Variants in SLC25A40 observed in about 807,000 individuals in gnomAD.
SLC25A40 encodes the protein solute carrier family 25 member 40.
In SLC25A40, 41 loss-of-function variants were observed where a neutral mutation model predicts 46.5. That is an observed-to-expected ratio of 0.88 (90% CI 0.69 to 1.14). The LOEUF (loss-of-function observed/expected upper bound fraction) is 1.14, where lower values mean the gene tolerates loss of function less well. Ranked by LOEUF, SLC25A40 falls within the 50% of genes most tolerant of loss-of-function variation. SLC25A40 has a pLI of 0.00. For synonymous variants in SLC25A40, 126 were observed against 127.5 expected, an observed-to-expected ratio of 0.99 and a Z score of 0.08; for missense variants, 386 against 393.6, an observed-to-expected ratio of 0.98 and a Z score of 0.16.
intron 1 of SLC25A40, among the ~76,000 whole-genome samples, chr7:87,864,979 T>C (rs1425025878): frequency 1.3e-4 from 19 of 143,046 alleles, no homozygotes; most frequent in Non-Finnish European, 2.4e-4. Flanking sequence ...TCTTTTCTTT[T>C]CTTTTTTTTT....
chr7:87,854,830 A>C lies in SLC25A40; in HGVS notation c.158-520T>G, dbSNP rs557974469. 9.3e-4 allele frequency among the ~76,000 whole-genome samples: 140 copies of C among 150,648 alleles called. 1 individual carries two copies. Among genetic ancestry groups the C allele is most frequent in the African/African-American group, 3.3e-3 (136 of 41,100 alleles). ...GTCTCAAAAAAAAAAAAAAAAAAAAAAGTAACTGTAAATTAGTGGATTTAT... is the reference window on the plus strand; with the variant it reads ...GTCTCAAAAAAAAAAAAAAAAAAAACAGTAACTGTAAATTAGTGGATTTAT... On this transcript the variant is annotated intron_variant, in intron 4 of 11. Transcript: ENST00000341119.
At chr7:87,861,335 T>C (rs1180539163) in intron 1 of SLC25A40, among the ~76,000 whole-genome samples, 2 of 152,228 alleles carry the variant, frequency 1.3e-5, no homozygotes, top group Non-Finnish European at 2.9e-5. Flanking sequence ...TATGTGACCA[T>C]GGTCTGGTAT....
At chr7:87,851,119 T>G (rs1053830359) in intron 5 of SLC25A40, among the ~76,000 whole-genome samples, 1 of 152,156 alleles carries the variant, frequency 6.6e-6, no homozygotes, top group East Asian at 1.9e-4. Context: ...TTAAAACACA[T>G]GTTCACACAG....
At chr7:87,853,353 T>C (rs914518093) in intron 5 of SLC25A40, among the ~76,000 whole-genome samples, 3 of 152,094 alleles carry the variant, frequency 2.0e-5, no homozygotes, top group African/African-American at 4.8e-5. Flanking sequence ...TGTGGAGAAA[T>C]TGGATCAGTC....
rs932359006 is a variant in SLC25A40, at chr7:87,847,065, T to A, written c.515A>T (p.Lys172Met). 6.2e-7 allele frequency: 1 copy of A among 1,613,762 alleles called. No individual in the cohort carries two copies. Among genetic ancestry groups the A allele is most frequent in the Non-Finnish European group, 8.5e-7 (1 of 1,179,840 alleles). Reference sequence around the variant, plus strand: ...ATGCAGTTCCACGTAAGAAAACTTCTTGGACTGCATCTTGGTTCTAATCAA... The same window carrying A: ...ATGCAGTTCCACGTAAGAAAACTTCATGGACTGCATCTTGGTTCTAATCAA... ...LELIRTKMQS[K>M]KFSYVELHRF... The change falls in exon 8 of 12, where the codon AAG (lysine) becomes ATG (methionine). Residue 172 changes from lysine (K) to methionine (M), a missense_variant. Transcript: ENST00000341119.
rs1031274564 is a variant in SLC25A40, at chr7:87,833,878, A to G, written c.*2371T>C. 2 of 151,820 alleles carry G rather than the reference A, an allele frequency of 1.3e-5. No homozygotes were observed. Among genetic ancestry groups the G allele is most frequent in the African/African-American group, 4.8e-5 (2 of 41,388 alleles). The allele number at this position is 151,820 out of a possible 1,614,324, so 9.4% of individuals were successfully genotyped here. A position where few individuals can be genotyped will look rare whatever the true frequency, so the allele number is the denominator to read the frequency against. On this transcript the variant is annotated 3_prime_UTR_variant, in exon 12 of 12. Transcript: ENST00000341119. ...ATGTTGTTCCAAGAGGGAAAAATTT[A>G]AAAAACATATGCAGTTAAATAACCA...
chr7:87,850,016 G>C, intron 5 of SLC25A40, 68 bp from the exon 6 acceptor site: 6 of 955,466 alleles, frequency 6.3e-6, no homozygotes, highest in Non-Finnish European at 7.7e-6. Flanking sequence ...AATTTATACT[G>C]ATGATTGGTA....
In SLC25A40 at chr7:87,850,566, G is replaced by A. The variant is rs139054901; in HGVS notation, c.265-618C>T. Among the ~76,000 whole-genome samples the A allele has an allele frequency of 7.0e-3, 1,058 of 152,170 alleles. 14 individuals carry two copies. Among genetic ancestry groups the A allele is most frequent in the Non-Finnish European group, 0.012 (805 of 67,984 alleles). ...GGAGACCCCTTGAGCCCAGGAGTTC[G>A]ACATCAGCCTGGGCAATATAGTTAG... On this transcript the variant is annotated intron_variant, in intron 5 of 11. Coordinates refer to ENST00000341119, the MANE Select transcript of SLC25A40 (RefSeq NM_018843.4).
At chr7:87,875,806 G>A (rs765309305) in intron 1 of SLC25A40, among the ~76,000 whole-genome samples, 1 of 152,196 alleles carries the variant, frequency 6.6e-6, no homozygotes, top group Non-Finnish European at 1.5e-5. Context: ...TGGCGCTGCC[G>A]TCAAGGCCGG....
intron 6 of SLC25A40, 141 bp from the exon 7 acceptor site, chr7:87,848,118 G>T: frequency 1.1e-6 from 1 of 932,330 alleles, no homozygotes; most frequent in Non-Finnish European, 1.5e-6. Context: ...CAGCCTATGA[G>T]ATCAATTTTT....
chr7:87,847,753 T>C, intron 7 of SLC25A40, 100 bp downstream of exon 7: 2 of 1,167,124 alleles, frequency 1.7e-6, no homozygotes, highest in South Asian at 1.8e-5. Context: ...AAATATATCA[T>C]ACTAATACTC....
chr7:87,844,342 AGCATCTGATAAAAC>A (rs1392644602), intron 8 of SLC25A40, among the ~76,000 whole-genome samples: 3 of 152,166 alleles, frequency 2.0e-5, no homozygotes, highest in Non-Finnish European at 4.4e-5. Flanking sequence ...ATAATGAAAA[AGCATCTGATAAAAC>A]GCAACACTCC....
intron 11 of SLC25A40, among the ~76,000 whole-genome samples, 181 bp from the exon 12 acceptor site, chr7:87,836,542 T>G (rs779318277): frequency 6.6e-6 from 1 of 151,496 alleles, no homozygotes; most frequent in African/African-American, 2.4e-5. Context: ...TATTACATTA[T>G]AGAGAAATTT....
intron 8 of SLC25A40, among the ~76,000 whole-genome samples, chr7:87,844,326 G>C (rs541838702): frequency 1.4e-4 from 22 of 152,100 alleles, no homozygotes; most frequent in African/African-American, 5.1e-4. Context: ...ATGGGATCAT[G>C]TAATGATAAT....
chr7:87,863,385 C>G (rs957562139), intron 1 of SLC25A40, among the ~76,000 whole-genome samples: 1 of 151,936 alleles, frequency 6.6e-6, no homozygotes, highest in Non-Finnish European at 1.5e-5. Flanking sequence ...GGCTTTCCCC[C>G]CTTTTGCTTG....
intron 8 of SLC25A40, among the ~76,000 whole-genome samples, chr7:87,844,597 T>C (rs1184492957): frequency 2.0e-5 from 3 of 152,008 alleles, no homozygotes; most frequent in African/African-American, 7.2e-5. Context: ...CAAATGATGA[T>C]ATAAAACAGT....
intron 7 of SLC25A40, 40 bp from the exon 8 acceptor site, chr7:87,847,162 G>A (rs1413087168): frequency 1.0e-5 from 15 of 1,486,228 alleles, no homozygotes; most frequent in Non-Finnish European, 1.4e-5. Flanking sequence ...CAAAAATAAA[G>A]CCATGTACTA....
At position 87,872,275 on chromosome 7, in the gene SLC25A40, T is replaced by C. The variant is rs574067695; in HGVS notation, c.-94+3821A>G. Among the ~76,000 whole-genome samples the C allele has an allele frequency of 2.6e-5, 4 of 152,282 alleles. No homozygotes were observed. The East Asian group carries it at 5.8e-4, about 22-fold the overall frequency. On this transcript the variant is annotated intron_variant, in intron 1 of 11. Coordinates refer to ENST00000341119, the MANE Select transcript of SLC25A40 (RefSeq NM_018843.4). ...GATGCAGCTAAAGCAGCATTTACAA[T>C]GAAATTTATAGCATTACATGCTTGT...
chr7:87,870,906 G>A (rs1417008814), intron 1 of SLC25A40, among the ~76,000 whole-genome samples: 2 of 152,162 alleles, frequency 1.3e-5, no homozygotes, highest in East Asian at 3.9e-4. Context: ...TGCCACACAT[G>A]AACGTGTAAA....
Sources: allele counts gnomAD v4.1 joint callset (sites outside exome capture counted in the v4.1 genomes callset), GRCh38; gene constraint gnomAD v4.1.1; transcripts MANE v1.5; gene names NCBI Gene and HGNC (gene_info 2026-07-23, HGNC 2026-07-21).